WDR1: variants seen among roughly 807,000 people sequenced by gnomAD.
The protein encoded by WDR1 is WD repeat-containing protein 1.
Under a neutral mutation model 71.9 loss-of-function variants are expected in WDR1, and 21 were observed. The ratio of observed to expected loss-of-function variants is 0.29; its 90% CI spans 0.21 to 0.42. The LOEUF is 0.42. Ranked by LOEUF, WDR1 falls within the 10% of genes least tolerant of loss-of-function variation. The pLI is 1.00. For missense variants in WDR1, 696 were observed against 824.5 expected (o/e 0.84, Z 1.91); for synonymous variants, 424 against 347.4 (o/e 1.22, Z -2.45).
At chr4:10,084,901 A>C (rs536693615) in intron 8 of WDR1, among the ~76,000 whole-genome samples, 220 of 152,346 alleles carry the variant, frequency 1.4e-3, no homozygotes, top group Non-Finnish European at 2.8e-3. Context: ...GCGGGGAGCC[A>C]CAAGGGGGTC....
At chr4:10,089,900 C>T (rs1267285341) in intron 5 of WDR1, among the ~76,000 whole-genome samples, 1 of 152,134 alleles carries the variant, frequency 6.6e-6, no homozygotes, top group African/African-American at 2.4e-5. Context: ...ACCCTGGGAC[C>T]CAATGAGACC....
In WDR1 at chr4:10,084,457, T is replaced by A. The variant is rs757424886; in HGVS notation, c.1025A>T (p.His342Leu). 1.9e-6 allele frequency: 3 copies of A among 1,613,866 alleles called. No homozygotes were observed. Among genetic ancestry groups the A allele is most frequent in the South Asian group, 1.1e-5 (1 of 91,072 alleles). The change falls in exon 9 of 15, where the codon CAC becomes CTC. Residue 342 changes from histidine (H) to leucine (L), a missense_variant. Physicochemically the swap from His to Leu is moderately conservative, Grantham distance 99. Coordinates refer to ENST00000499869, the MANE Select transcript of WDR1 (RefSeq NM_017491.5). Reference sequence around the variant, plus strand: ...TCAAAGGATATTAATGTGTCCGTCGTGGCTCCCAGAGTAAATGTAGGACTT... The same window carrying A: ...TCAAAGGATATTAATGTGTCCGTCGAGGCTCCCAGAGTAAATGTAGGACTT... ...GGKSYIYSGS[H>L]DGHINYWDSE...
chr4:10,077,396 G>T lies in WDR1; in HGVS notation c.1622C>A (p.Ser541Tyr). 1 of 1,613,968 alleles carries T rather than the reference G, an allele frequency of 6.2e-7. No individual in the cohort carries two copies. The highest frequency in any genetic ancestry group is 8.5e-7 in the Non-Finnish European group (1 of 1,179,868). ...GGAGGCAAAGTGTTCATTGTCTGGG[G>T]ACCAGGCCAGGCAGACGATTTTTGC... ...HHAKIVCLAW[S>Y]PDNEHFASGG... The change falls in exon 14 of 15, where the codon TCC becomes TAC. Residue 541 changes from serine to tyrosine, a missense_variant. Transcript: ENST00000499869.
chr4:10,085,712 C>T (rs999256305), intron 8 of WDR1, among the ~76,000 whole-genome samples: 2 of 152,248 alleles, frequency 1.3e-5, no homozygotes, highest in African/African-American at 4.8e-5. Flanking sequence ...CTGAGACTTC[C>T]CTGTAAACTT....
chr4:10,094,838 T>C (rs1435788348), intron 5 of WDR1: 1 of 152,236 alleles, frequency 6.6e-6, no homozygotes, highest in African/African-American at 2.4e-5. Context: ...CAGGGAATGC[T>C]GCTTGCATTT....
At chr4:10,082,916 A>C (rs865988844) in intron 10 of WDR1, 106 bp downstream of exon 10, 3 of 1,402,270 alleles carry the variant, frequency 2.1e-6, no homozygotes, top group Middle Eastern at 2.6e-4. Context: ...GGAGAGATGA[A>C]AGGAGCAAGT....
intron 3 of WDR1, among the ~76,000 whole-genome samples, chr4:10,101,335 G>A (rs1260559627): frequency 6.6e-6 from 1 of 152,240 alleles, no homozygotes; most frequent in African/African-American, 2.4e-5. Flanking sequence ...GAGGGCTGGG[G>A]CCAGCTGCCA....
intron 5 of WDR1, chr4:10,092,739 T>C (rs561833838): frequency 1.0e-3 from 269 of 268,526 alleles, no homozygotes; most frequent in Non-Finnish European, 1.8e-3. Context: ...AAAATAGCCC[T>C]TTCCACACGG....
intron 2 of WDR1, among the ~76,000 whole-genome samples, chr4:10,112,608 AG>A (rs1185618457): frequency 1.3e-5 from 2 of 152,326 alleles, no homozygotes; most frequent in South Asian, 2.1e-4. Flanking sequence ...TAAATGACAG[AG>A]GGGGCTCCAA....
At chr4:10,079,642 AG>A (rs1399231074) in intron 11 of WDR1, among the ~76,000 whole-genome samples, 1 of 152,164 alleles carries the variant, frequency 6.6e-6, no homozygotes, top group Non-Finnish European at 1.5e-5. Flanking sequence ...AACTGCTCCC[AG>A]ACAGTGGCCT....
rs1247659952 is a variant in WDR1 at position 10,087,867 on chromosome 4, C to A, written c.791G>T (p.Ser264Ile). 4 of 1,569,260 alleles carry A rather than the reference C, an allele frequency of 2.5e-6. No homozygotes were observed. ...GDKTSKIWDV[S>I]VNSVVSTFPM... ...AAATGTGCTGACCACGGAGTTCACG[C>A]TGACGTCCCAAATCTTGGAAGTTTT... Residue 264 changes from serine to isoleucine, a missense_variant, in exon 8 of 15, where the codon AGC becomes ATC. Transcript: ENST00000499869.
intron 3 of WDR1, among the ~76,000 whole-genome samples, chr4:10,100,448 C>T (rs540296831): frequency 4.6e-5 from 7 of 152,218 alleles, no homozygotes; most frequent in South Asian, 2.1e-4. Context: ...TCAGGTGGAA[C>T]GAGTCCACGA....
intron 5 of WDR1, among the ~76,000 whole-genome samples, chr4:10,095,721 T>C (rs551622781): frequency 6.6e-6 from 1 of 152,314 alleles, no homozygotes; most frequent in South Asian, 2.1e-4. Flanking sequence ...AGCATGTGGA[T>C]GGTCACTGCT....
intron 5 of WDR1, among the ~76,000 whole-genome samples, chr4:10,094,205 A>G (rs1273526513): frequency 6.6e-6 from 1 of 152,190 alleles, no homozygotes; most frequent in Non-Finnish European, 1.5e-5. Flanking sequence ...TGCTGCTCTA[A>G]GTAACCATTT....
chr4:10,098,979 A>G lies in WDR1; in HGVS notation c.377+13T>C, dbSNP rs1380085451. The G allele has an allele frequency of 2.5e-6, 4 of 1,613,812 alleles. No homozygotes were observed. Among genetic ancestry groups the G allele is most frequent in the African/African-American group, 1.3e-5 (1 of 74,922 alleles). On this transcript the variant is annotated intron_variant, in intron 4 of 14. Transcript: ENST00000499869. ...AGCAACAGGGCAGGGAGGGGCTGAG[A>G]GGAGTGACTCACTTCTCCCTTCCTT...
Position 10,077,452 on chromosome 4 carries a change from G to C in WDR1, c.1570-4C>G. 1 of 1,613,984 alleles carries C rather than the reference G, an allele frequency of 6.2e-7. No individual in the cohort carries two copies. Among genetic ancestry groups the C allele is most frequent in the Middle Eastern group, 1.7e-4 (1 of 6,058 alleles). On this transcript the variant is annotated splice_polypyrimidine_tract_variant and splice_region_variant and intron_variant, in intron 13 of 14. Coordinates refer to ENST00000499869, the MANE Select transcript of WDR1 (RefSeq NM_017491.5). ...GTCCATAAAAAACATTGTTCTCCTA[G>C]TTGCAGGTTGAAAACAAGAGAGGTG... is the stretch of plus-strand genomic sequence containing the variant.
At chr4:10,077,675 C>A in intron 13 of WDR1, 78 bp downstream of exon 13, 1 of 1,475,610 alleles carries the variant, frequency 6.8e-7, no homozygotes, top group South Asian at 1.4e-5. Context: ...AGCTCAAGGT[C>A]ACCAAGTCAC....
chr4:10,081,458 A>T lies in WDR1; in HGVS notation c.1197-14T>A. 1 of 1,613,144 alleles carries T rather than the reference A, an allele frequency of 6.2e-7. No homozygotes were observed. Among genetic ancestry groups the T allele is most frequent in the Non-Finnish European group, 8.5e-7 (1 of 1,179,202 alleles). On this transcript the variant is annotated splice_polypyrimidine_tract_variant and intron_variant, in intron 10 of 14. Coordinates refer to ENST00000499869, the MANE Select transcript of WDR1 (RefSeq NM_017491.5). ...ACTCCTTGTCCGCTGTTAGAGAGAA[A>T]GGAAGCACATTACTTCGACAATGCA...
intron 11 of WDR1, among the ~76,000 whole-genome samples, chr4:10,079,689 CT>C (rs1383595925): frequency 6.6e-6 from 1 of 152,218 alleles, no homozygotes; most frequent in Non-Finnish European, 1.5e-5. Context: ...CAGTGTGCCC[CT>C]ACCCAAGCCA....
Sources: gnomAD v4.1 joint callset for allele counts (sites outside exome capture counted in the v4.1 genomes callset) on GRCh38, gnomAD v4.1.1 for gene constraint, MANE v1.5 for transcripts, NCBI Gene and HGNC (gene_info 2026-07-23, HGNC 2026-07-21) for gene names.